The following TRPM3 variants were observed in gnomAD, a reference collection of about 807,000 sequenced individuals.
The protein encoded by TRPM3 is transient receptor potential cation channel subfamily M member 3, also known as long transient receptor potential channel 3.
Under a neutral mutation model 181.2 loss-of-function variants are expected in TRPM3, and 77 were observed. That is an observed-to-expected ratio of 0.42 (90% CI 0.35 to 0.51). The LOEUF is 0.51. Ranked by LOEUF, TRPM3 falls within the 20% of genes least tolerant of loss-of-function variation. The probability of loss-of-function intolerance (pLI) is 0.01; values close to 1 mark genes in which losing one functional copy is unlikely to be tolerated. For missense variants in TRPM3, 1,759 were observed against 2,196.7 expected (o/e 0.80, Z 3.98); for synonymous variants, 745 against 796.4 (o/e 0.94, Z 1.09).
intron 1 of TRPM3, among the ~76,000 whole-genome samples, chr9:71,347,003 C>G (rs2091337937): frequency 6.6e-6 from 1 of 152,196 alleles, no homozygotes. Flanking sequence ...GTTAGGAAAT[C>G]TGGTTATTAA....
intron 8 of TRPM3, among the ~76,000 whole-genome samples, chr9:70,744,282 C>CATGCCACTGCACCTCAGCCTGGGTG: frequency 6.7e-6 from 1 of 149,656 alleles, no homozygotes; most frequent in South Asian, 2.1e-4. Context: ...GAGCTGAGAT[C>CATGCCACTGCACCTCAGCCTGGGTG]ATGCCACTGC....
chr9:70,897,095 C>G (rs549007070), intron 1 of TRPM3, among the ~76,000 whole-genome samples: 1 of 145,816 alleles, frequency 6.9e-6, no homozygotes, highest in South Asian at 2.2e-4. Flanking sequence ...GTGTTGAGAA[C>G]ATTCCAGATT....
chr9:71,179,746 A>T (rs1389142441), intron 1 of TRPM3, among the ~76,000 whole-genome samples: 1 of 152,122 alleles, frequency 6.6e-6, no homozygotes, highest in Admixed American at 6.6e-5. Flanking sequence ...CATAACCTAC[A>T]TATATTCCCA....
chr9:70,811,071 G>A, intron 6 of TRPM3: 1 of 900,934 alleles, frequency 1.1e-6, no homozygotes, highest in African/African-American at 1.7e-5. Flanking sequence ...CAGTCATAGG[G>A]AGTGATACTG....
chr9:71,326,641 C>T (rs2089704658), intron 1 of TRPM3, among the ~76,000 whole-genome samples: 1 of 152,128 alleles, frequency 6.6e-6, no homozygotes, highest in Non-Finnish European at 1.5e-5. Context: ...GCAATATTCA[C>T]CCGCATTGAT....
intron 1 of TRPM3, among the ~76,000 whole-genome samples, chr9:71,041,856 C>A (rs1261955879): frequency 6.6e-6 from 1 of 152,144 alleles, no homozygotes; most frequent in Non-Finnish European, 1.5e-5. Flanking sequence ...CCTGGACAGG[C>A]CAGTCTCCTC....
intron 1 of TRPM3, among the ~76,000 whole-genome samples, chr9:71,084,737 T>A (rs977117127): frequency 1.3e-5 from 2 of 151,974 alleles, no homozygotes; most frequent in South Asian, 4.1e-4. Flanking sequence ...CCTATCAAAC[T>A]GTCGATGTCA....
At chr9:70,832,097 A>T (rs2093972159) in intron 5 of TRPM3, among the ~76,000 whole-genome samples, 1 of 128,940 alleles carries the variant, frequency 7.8e-6, no homozygotes, top group Non-Finnish European at 1.6e-5. Context: ...AACAATGAGA[A>T]CACATGGACA....
At chr9:71,376,526 G>T (rs2092671092) in intron 1 of TRPM3, among the ~76,000 whole-genome samples, 1 of 151,788 alleles carries the variant, frequency 6.6e-6, no homozygotes, top group African/African-American at 2.4e-5. Context: ...TAGGATAATA[G>T]AATATAAATA....
chr9:71,346,935 A>T (rs887945630), intron 1 of TRPM3, among the ~76,000 whole-genome samples: 4 of 152,222 alleles, frequency 2.6e-5, no homozygotes, highest in Admixed American at 6.5e-5. Flanking sequence ...CTCACCACTT[A>T]GAAATGTGGC....
intron 1 of TRPM3, among the ~76,000 whole-genome samples, chr9:71,081,581 T>C (rs753789505): frequency 6.6e-5 from 10 of 152,182 alleles, no homozygotes; most frequent in Non-Finnish European, 1.0e-4. Flanking sequence ...GAATCCTTTA[T>C]GGAAGATTTT....
chr9:70,991,868 C>A (rs1043296460), intron 1 of TRPM3, among the ~76,000 whole-genome samples: 1 of 152,170 alleles, frequency 6.6e-6, no homozygotes, highest in Non-Finnish European at 1.5e-5. Context: ...CCCAGATACA[C>A]TGAGCCATCT....
At chr9:70,788,180 A>C (rs2084393226) in intron 6 of TRPM3, among the ~76,000 whole-genome samples, 1 of 92,866 alleles carries the variant, frequency 1.1e-5, no homozygotes, top group Non-Finnish European at 2.0e-5. Flanking sequence ...ACCCCACCAC[A>C]GTCCCCAGAG....
chr9:71,409,320 G>A (rs1362540956), intron 1 of TRPM3, among the ~76,000 whole-genome samples: 1 of 152,126 alleles, frequency 6.6e-6, no homozygotes, highest in East Asian at 1.9e-4. Flanking sequence ...TGGCAAATTG[G>A]ATAAAGAATC....
At chr9:70,744,048 G>A (rs1004952852) in intron 8 of TRPM3, among the ~76,000 whole-genome samples, 8 of 151,966 alleles carry the variant, frequency 5.3e-5, no homozygotes, top group Non-Finnish European at 1.2e-4. Context: ...AAAATCAAAT[G>A]GGGCCGGGCA....
At chr9:70,875,762 A>G (rs917467282) in intron 1 of TRPM3, among the ~76,000 whole-genome samples, 4 of 151,920 alleles carry the variant, frequency 2.6e-5, no homozygotes, top group Admixed American at 6.6e-5. Context: ...AACAAACAAG[A>G]ATTATTTAAC....
intron 1 of TRPM3, among the ~76,000 whole-genome samples, chr9:70,930,235 AG>A (rs758657416): frequency 1.2e-4 from 18 of 152,220 alleles, no homozygotes; most frequent in African/African-American, 4.3e-4. Context: ...TAAAGTGCCT[AG>A]CATATTGCCT....
At chr9:70,916,678 G>A (rs568188949) in intron 1 of TRPM3, among the ~76,000 whole-genome samples, 8 of 152,204 alleles carry the variant, frequency 5.3e-5, no homozygotes, top group African/African-American at 1.4e-4. Flanking sequence ...TGTATAAAAA[G>A]TCTGGCTATA....
At chr9:71,254,982 A>G (rs1406117203) in intron 1 of TRPM3, among the ~76,000 whole-genome samples, 1 of 152,192 alleles carries the variant, frequency 6.6e-6, no homozygotes, top group Non-Finnish European at 1.5e-5. Flanking sequence ...ATTCTAGCAA[A>G]GCCACATCCA....
Sources: allele counts gnomAD v4.1 joint callset (sites outside exome capture counted in the v4.1 genomes callset), GRCh38; gene constraint gnomAD v4.1.1; transcripts MANE v1.5; gene names NCBI Gene and HGNC (gene_info 2026-07-23, HGNC 2026-07-21).